Variants in MAGI2 observed in about 807,000 individuals in gnomAD.
MAGI2 encodes the protein membrane-associated guanylate kinase, WW and PDZ domain-containing protein 2.
In MAGI2, 35 loss-of-function variants were observed where a neutral mutation model predicts 133.3. The ratio of observed to expected loss-of-function variants is 0.26; its 90% CI spans 0.20 to 0.35. The LOEUF (loss-of-function observed/expected upper bound fraction) is 0.35, where lower values mean the gene tolerates loss of function less well. Among genes scored for constraint, MAGI2 ranks in the 10% least tolerant of loss-of-function variants. MAGI2 has a pLI of 1.00. For synonymous variants in MAGI2, 729 were observed against 710.6 expected, an observed-to-expected ratio of 1.03 and a Z score of -0.41; for missense variants, 1,636 against 1,863.4, an observed-to-expected ratio of 0.88 and a Z score of 2.25.
At chr7:78,464,301 A>C (rs1403437124) in intron 6 of MAGI2, among the ~76,000 whole-genome samples, 1 of 152,184 alleles carries the variant, frequency 6.6e-6, no homozygotes, top group Non-Finnish European at 1.5e-5. Flanking sequence ...AATGCCTGCC[A>C]AATTTACTAA....
At chr7:79,013,600 G>T (rs1808399537) in intron 1 of MAGI2, among the ~76,000 whole-genome samples, 1 of 152,120 alleles carries the variant, frequency 6.6e-6, no homozygotes, top group African/African-American at 2.4e-5. Flanking sequence ...GATTGATTCT[G>T]CTAAGAGCCA....
intron 2 of MAGI2, among the ~76,000 whole-genome samples, chr7:78,773,813 T>C (rs1056302508): frequency 7.2e-5 from 11 of 152,212 alleles, no homozygotes; most frequent in African/African-American, 2.7e-4. Flanking sequence ...TGCCAAGGAA[T>C]TTGTGCTTCA....
intron 9 of MAGI2, among the ~76,000 whole-genome samples, chr7:78,315,945 A>C (rs1202743272): frequency 6.6e-6 from 1 of 152,182 alleles, no homozygotes; most frequent in Non-Finnish European, 1.5e-5. Flanking sequence ...GGCTTACTCC[A>C]AAACATATTC....
At chr7:79,402,100 C>A (rs1220902483) in intron 1 of MAGI2, among the ~76,000 whole-genome samples, 2 of 152,012 alleles carry the variant, frequency 1.3e-5, no homozygotes, top group African/African-American at 4.8e-5. Context: ...TTTTAGCTGT[C>A]CTAGAACTTT....
intron 20 of MAGI2, among the ~76,000 whole-genome samples, chr7:78,104,808 A>C (rs913303462): frequency 1.3e-5 from 2 of 152,092 alleles, no homozygotes; most frequent in Admixed American, 1.3e-4. Flanking sequence ...TTTCAGATGA[A>C]GTGCTCCCTC....
intron 21 of MAGI2, among the ~76,000 whole-genome samples, chr7:78,028,803 T>G (rs1434974270): frequency 7.0e-6 from 1 of 143,590 alleles, no homozygotes; most frequent in Admixed American, 7.6e-5. Flanking sequence ...GAGCTGAGAT[T>G]GTGCCACTGC....
intron 2 of MAGI2, among the ~76,000 whole-genome samples, chr7:78,971,476 A>C (rs1428378348): frequency 6.6e-6 from 1 of 152,058 alleles, no homozygotes; most frequent in Admixed American, 6.6e-5. Context: ...CAAAATATTC[A>C]TTTAGGGTAA....
chr7:79,424,382 T>C (rs1847190691), intron 1 of MAGI2, among the ~76,000 whole-genome samples: 1 of 151,246 alleles, frequency 6.6e-6, no homozygotes. Flanking sequence ...AAGCAGAGAG[T>C]AGAATGGTGG....
At chr7:78,114,566 G>A (rs941951736) in intron 20 of MAGI2, among the ~76,000 whole-genome samples, 15 of 152,234 alleles carry the variant, frequency 9.9e-5, no homozygotes, top group African/African-American at 3.6e-4. Flanking sequence ...AGCCAGGCAG[G>A]CCTGCACATT....
At chr7:78,880,910 A>G (rs1795793867) in intron 2 of MAGI2, among the ~76,000 whole-genome samples, 1 of 152,200 alleles carries the variant, frequency 6.6e-6, no homozygotes, top group South Asian at 2.1e-4. Context: ...AGATAAAAAG[A>G]GCAGAGGTCA....
chr7:79,325,024 A>G (rs1528277), intron 1 of MAGI2, among the ~76,000 whole-genome samples: 151,314 of 152,062 alleles, frequency 1, 75,295 homozygotes, highest in Middle Eastern at 1. Flanking sequence ...AGCTTGGTCT[A>G]TAAGATGAGA....
At chr7:79,243,292 T>G (rs1030907695) in intron 1 of MAGI2, among the ~76,000 whole-genome samples, 1 of 152,172 alleles carries the variant, frequency 6.6e-6, no homozygotes, top group African/African-American at 2.4e-5. Context: ...TAATGGTACT[T>G]TGGTTCCTAA....
At chr7:78,168,192 G>A (rs548663534) in intron 14 of MAGI2, 84 bp from the exon 15 acceptor site, 159 of 1,277,652 alleles carry the variant, frequency 1.2e-4, no homozygotes, top group South Asian at 5.3e-4. Context: ...GTCTCGCTTC[G>A]TTGCCCAAGC....
chr7:78,477,985 A>G (rs968389235), intron 6 of MAGI2, among the ~76,000 whole-genome samples: 6 of 151,690 alleles, frequency 4.0e-5, no homozygotes, highest in Non-Finnish European at 5.9e-5. Flanking sequence ...CAGGTTTGTT[A>G]CACAGGTAGA....
intron 1 of MAGI2, among the ~76,000 whole-genome samples, chr7:79,107,707 A>G (rs917658072): frequency 9.2e-5 from 14 of 152,168 alleles, no homozygotes; most frequent in Admixed American, 1.3e-4. Context: ...TCCTCCTCAA[A>G]TGCATTTCAT....
At chr7:78,573,701 GA>G (rs74977107) in intron 3 of MAGI2, among the ~76,000 whole-genome samples, 6,088 of 149,488 alleles carry the variant, frequency 0.041, 150 homozygotes, top group East Asian at 0.081. Context: ...AATTGGATTA[GA>G]AAAAAAAAAT....
intron 21 of MAGI2, among the ~76,000 whole-genome samples, chr7:78,044,678 C>CGTGTGTGTGTGT (rs58076536): frequency 8.7e-5 from 11 of 126,474 alleles, no homozygotes; most frequent in Middle Eastern, 4.0e-3. Flanking sequence ...GCTAATGTAC[C>CGTGTGTGTGTGT]GTGTGTGTGT....
Position 79,232,730 on chromosome 7 carries a change from C to T in MAGI2, c.301+220290G>A, listed in dbSNP as rs1427981934. Reference sequence around the variant, plus strand: ...TAGCGGTCTATCAATTTTGTTGATCCTTTCAAAAAACCAGCTCCTGGATTC... The same window carrying T: ...TAGCGGTCTATCAATTTTGTTGATCTTTTCAAAAAACCAGCTCCTGGATTC... On this transcript the variant is annotated intron_variant, in intron 1 of 21. Coordinates refer to ENST00000354212, the MANE Select transcript of MAGI2 (RefSeq NM_012301.4). Among the ~76,000 whole-genome samples, 36 of 127,402 alleles carry T rather than the reference C, an allele frequency of 2.8e-4. 1 individual carries two copies. The highest frequency in any genetic ancestry group is 7.1e-4 in the African/African-American group (23 of 32,246). 83.6% of individuals were successfully genotyped at this position (127,402 alleles called of 152,430 possible). A position where few individuals can be genotyped will look rare whatever the true frequency, so the allele number is the denominator to read the frequency against.
intron 2 of MAGI2, among the ~76,000 whole-genome samples, chr7:78,919,113 A>C (rs957520380): frequency 2.6e-5 from 4 of 152,212 alleles, no homozygotes; most frequent in East Asian, 1.9e-4. Context: ...GCATAGTGGA[A>C]GAGTCACACA....
Sources: allele counts gnomAD v4.1 joint callset (sites outside exome capture counted in the v4.1 genomes callset), GRCh38; gene constraint gnomAD v4.1.1; transcripts MANE v1.5; gene names NCBI Gene and HGNC (gene_info 2026-07-23, HGNC 2026-07-21).